The following NAV2 variants were observed in gnomAD, a reference collection of about 807,000 sequenced individuals.
NAV2 encodes the protein helicase, APC down-regulated 1.
A neutral mutation model predicts 223.2 loss-of-function variants in NAV2; 54 were observed. The ratio of observed to expected loss-of-function variants is 0.24; its 90% CI spans 0.19 to 0.30. The LOEUF (loss-of-function observed/expected upper bound fraction) is 0.30. NAV2 is among the 10% of genes least tolerant of loss of function. The pLI is 1.00. For synonymous variants in NAV2, 1,279 were observed against 1,239.3 expected (o/e 1.03, Z -0.67); for missense variants, 2,806 against 3,147.5 (o/e 0.89, Z 2.60).
chr11:19,405,389 C>T (rs766707007), intron 1 of NAV2, among the ~76,000 whole-genome samples: 1 of 152,182 alleles, frequency 6.6e-6, no homozygotes, highest in African/African-American at 2.4e-5. Context: ...CTGGGTCTCT[C>T]GTCTTCCCCT....
At chr11:20,014,541 G>A (rs1259613411) in intron 11 of NAV2, among the ~76,000 whole-genome samples, 1 of 152,110 alleles carries the variant, frequency 6.6e-6, no homozygotes, top group African/African-American at 2.4e-5. Flanking sequence ...GATTGCTTGA[G>A]GCCAGGAATT....
chr11:19,612,168 C>T, intron 1 of NAV2, among the ~76,000 whole-genome samples: 1 of 152,232 alleles, frequency 6.6e-6, no homozygotes, highest in East Asian at 1.9e-4. Context: ...AGCTGGAACA[C>T]AGGGTGCCAA....
At chr11:20,106,815 T>G (rs1390961483) in intron 35 of NAV2, among the ~76,000 whole-genome samples, 5 of 151,002 alleles carry the variant, frequency 3.3e-5, no homozygotes, top group Non-Finnish European at 7.4e-5. Flanking sequence ...GCTAATTTTT[T>G]TGTATTTTTT....
intron 3 of NAV2, among the ~76,000 whole-genome samples, chr11:19,848,192 G>A (rs761992962): frequency 1.3e-5 from 2 of 152,264 alleles, no homozygotes; most frequent in South Asian, 4.2e-4. Flanking sequence ...CTGCACTTAG[G>A]CACAGAGAAG....
chr11:20,049,676 C>T (rs144484767), intron 15 of NAV2, among the ~76,000 whole-genome samples, 160 bp from the exon 16 acceptor site: 38 of 151,920 alleles, frequency 2.5e-4, no homozygotes, highest in African/African-American at 8.9e-4. Flanking sequence ...TTCTCAGAGC[C>T]CTGGATTTCT....
intron 31 of NAV2, 72 bp downstream of exon 31, chr11:20,097,817 CT>C: frequency 7.3e-7 from 1 of 1,368,902 alleles, no homozygotes; most frequent in East Asian, 2.5e-5. Context: ...GGCATAGGCA[CT>C]TGTGGCCCCA....
At chr11:19,465,535 A>T (rs191101059) in intron 1 of NAV2, among the ~76,000 whole-genome samples, 50 of 152,348 alleles carry the variant, frequency 3.3e-4, no homozygotes, top group African/African-American at 1.1e-3. Context: ...CTAAGTAAAA[A>T]TATCTGACCT....
At chr11:19,760,211 C>T (rs1048428326) in intron 1 of NAV2, 2 of 152,204 alleles carry the variant, frequency 1.3e-5, no homozygotes, top group African/African-American at 4.8e-5. Flanking sequence ...TGGCATTGCT[C>T]CTCTGAGAGG....
intron 1 of NAV2, among the ~76,000 whole-genome samples, chr11:19,482,757 A>C (rs937675890): frequency 6.6e-6 from 1 of 152,238 alleles, no homozygotes; most frequent in East Asian, 1.9e-4. Flanking sequence ...AACGCCCAAC[A>C]TACCTTAGTA....
intron 1 of NAV2, among the ~76,000 whole-genome samples, chr11:19,374,983 T>G (rs1848594199): frequency 6.6e-6 from 1 of 152,224 alleles, no homozygotes. Flanking sequence ...ATACTGCCTC[T>G]GACAACAAGA....
At chr11:19,859,787 C>T (rs1415901449) in intron 3 of NAV2, among the ~76,000 whole-genome samples, 9 of 148,688 alleles carry the variant, frequency 6.1e-5, no homozygotes, top group African/African-American at 1.8e-4. Flanking sequence ...CCCCACCTCC[C>T]TCCCGGACGG....
intron 1 of NAV2, among the ~76,000 whole-genome samples, chr11:19,731,735 G>C (rs2051794359): frequency 1.3e-5 from 2 of 152,196 alleles, no homozygotes; most frequent in African/African-American, 4.8e-5. Flanking sequence ...CTTGAGCCTT[G>C]ATTTTCCTTA....
At chr11:20,107,837 C>A (rs1353938206) in intron 36 of NAV2, 55 bp downstream of exon 36, 2 of 1,205,594 alleles carry the variant, frequency 1.7e-6, no homozygotes, top group South Asian at 1.2e-5. Context: ...GTTCTGGTGA[C>A]CAGATGAGTT....
chr11:19,421,105 G>A (rs1202703533), intron 1 of NAV2, among the ~76,000 whole-genome samples: 6 of 152,160 alleles, frequency 3.9e-5, no homozygotes, highest in African/African-American at 1.4e-4. Context: ...GGCTGCTGGT[G>A]GAGGGGTCAT....
intron 4 of NAV2, among the ~76,000 whole-genome samples, chr11:19,877,022 T>C (rs2062880263): frequency 6.6e-6 from 1 of 151,454 alleles, no homozygotes; most frequent in African/African-American, 2.4e-5. Flanking sequence ...ATTTATTTTA[T>C]TTATTAAAAT....
chr11:20,039,629 G>A (rs1158421932), intron 12 of NAV2, among the ~76,000 whole-genome samples: 1 of 152,142 alleles, frequency 6.6e-6, no homozygotes, highest in Non-Finnish European at 1.5e-5. Flanking sequence ...GTGGCAAAGG[G>A]CTTTAACAAA....
chr11:19,980,749 A>T (rs2050221535), intron 10 of NAV2, among the ~76,000 whole-genome samples: 1 of 152,244 alleles, frequency 6.6e-6, no homozygotes, highest in Admixed American at 6.5e-5. Flanking sequence ...CCAAATTTGT[A>T]TATTTTTCAT....
chr11:19,555,836 C>T (rs1053674090), intron 1 of NAV2, among the ~76,000 whole-genome samples: 1 of 151,982 alleles, frequency 6.6e-6, no homozygotes, highest in Non-Finnish European at 1.5e-5. Flanking sequence ...CTTCCTCGAG[C>T]CCACCCAGCC....
chr11:19,826,972 G>A (rs544716148), intron 1 of NAV2, among the ~76,000 whole-genome samples: 2 of 152,288 alleles, frequency 1.3e-5, no homozygotes, highest in African/African-American at 4.8e-5. Flanking sequence ...GTGGAAAGGT[G>A]GTGCCAGCAT....
Sources: gnomAD v4.1 joint callset for allele counts (sites outside exome capture counted in the v4.1 genomes callset) on GRCh38, gnomAD v4.1.1 for gene constraint, MANE v1.5 for transcripts, NCBI Gene and HGNC (gene_info 2026-07-23, HGNC 2026-07-21) for gene names.